The following ACOX1 variants were observed in gnomAD, a reference collection of about 807,000 sequenced individuals.
ACOX1 encodes peroxisomal acyl-coenzyme A oxidase 1.
Under a neutral mutation model 75.5 loss-of-function variants are expected in ACOX1, and 41 were observed. The observed-to-expected ratio is 0.54, with a 90% CI of 0.42 to 0.70. ACOX1 has a LOEUF of 0.70. ACOX1 is among the 30% of genes least tolerant of loss of function. The pLI, the probability that ACOX1 is intolerant of heterozygous loss-of-function variation, is 0.00. For synonymous variants in ACOX1, 303 were observed against 298.8 expected, an observed-to-expected ratio of 1.01 and a Z score of -0.15; for missense variants, 630 against 837.5, an observed-to-expected ratio of 0.75 and a Z score of 3.06.
At position 75,946,737 on chromosome 17, in the gene ACOX1, CT is replaced by C; in HGVS notation, c.*10del. On this transcript the variant is annotated 3_prime_UTR_variant, in exon 14 of 14. Coordinates refer to ENST00000293217, the MANE Select transcript of ACOX1 (RefSeq NM_004035.7). ...CTTTCTGAAGCAGATTAAACTTGTC[CT>C]TGTGACACTTCAGAGCTTGGACTGC... is the stretch of plus-strand genomic sequence containing the variant. 11 of 1,613,556 alleles carry C rather than the reference CT, an allele frequency of 6.8e-6. No homozygotes were observed. The highest frequency in any genetic ancestry group is 9.3e-6 in the Non-Finnish European group (11 of 1,179,576).
intron 2 of ACOX1, among the ~76,000 whole-genome samples, chr17:75,972,387 C>T (rs543841902): frequency 6.6e-6 from 1 of 150,414 alleles, no homozygotes; most frequent in East Asian, 2.0e-4. Flanking sequence ...CGCCTGTAGC[C>T]TGTAATCCCA....
Position 75,978,213 on chromosome 17 carries a change from G to C in ACOX1, c.269+321C>G. Among the ~76,000 whole-genome samples the C allele has an allele frequency of 6.6e-6, 1 of 152,052 alleles. No individual in the cohort carries two copies. Among genetic ancestry groups the C allele is most frequent in the East Asian group, 1.9e-4 (1 of 5,186 alleles). On this transcript the variant is annotated intron_variant, in intron 2 of 13. Coordinates refer to ENST00000293217, the MANE Select transcript of ACOX1 (RefSeq NM_004035.7). The surrounding 1 kb of genome is among the most constrained non-coding windows in gnomAD (Gnocchi z 4.2). ...TAGTTCACGCTATTCTCCTGCCTCAGCCTCCCGAGTAGCTGGAACTACAGG... is the reference window on the plus strand; with the variant it reads ...TAGTTCACGCTATTCTCCTGCCTCACCCTCCCGAGTAGCTGGAACTACAGG...
At position 75,953,591 on chromosome 17, in the gene ACOX1, C is replaced by T. The variant is rs114057990; in HGVS notation, c.804G>A (p.Pro268=). The T allele has an allele frequency of 3.8e-4, 614 of 1,614,080 alleles. 3 individuals are homozygous for T. In the African/African-American group the frequency reaches 7.0e-3, roughly 18 times the overall value. Residue 268 remains proline (P), a synonymous_variant, in exon 7 of 14, where the codon CCG becomes CCA. Transcript: ENST00000293217. ...QVKPDGTYVK[P]LSNKLTYGTM... is the part of the protein sequence containing the mutation. ...TCCCGTAAGTCAGCTTGTTACTCAG[C>T]GGTTTCACGTATGTGCCATCAGGCT...
intron 2 of ACOX1, among the ~76,000 whole-genome samples, chr17:75,966,536 G>A (rs1219040290): frequency 1.3e-5 from 2 of 151,890 alleles, no homozygotes; most frequent in African/African-American, 2.4e-5. Flanking sequence ...GGGCACGGTG[G>A]CTCACGCCTG....
Position 75,956,910 on chromosome 17 carries a change from CCTCTCTCTCTCTCTCTCTCTCTCT to C in ACOX1, c.538+525_538+548del, listed in dbSNP as rs1170303997. ...GGTATGTGCCGCTATGCCTGGCTTTCCTCTCTCTCTCTCTCTCTCTCTCTCTCTCTCTCTCTCTCTCTCTCTCTC... is the reference window on the plus strand; with the variant it reads ...GGTATGTGCCGCTATGCCTGGCTTTCCTCTCTCTCTCTCTCTCTCTCTCTC... On this transcript the variant is annotated intron_variant, in intron 4 of 13. Transcript: ENST00000293217. Among the ~76,000 whole-genome samples the C allele has an allele frequency of 6.6e-3, 165 of 24,920 alleles. 1 individual carries two copies. Among genetic ancestry groups the C allele is most frequent in the Non-Finnish European group, 0.01 (112 of 11,196 alleles). The allele number at this position is 24,920 out of a possible 152,430, so 16.3% of individuals were successfully genotyped here.
Position 75,956,913 on chromosome 17 carries a change from CTCTCTCTCTCTCT to C in ACOX1, c.538+533_538+545del, listed in dbSNP as rs2065829694. Among the ~76,000 whole-genome samples, 26 of 42,936 alleles carry C rather than the reference CTCTCTCTCTCTCT, an allele frequency of 6.1e-4. 3 individuals are homozygous for C. The highest frequency in any genetic ancestry group is 1.6e-3 in the African/African-American group (16 of 10,112). The allele number at this position is 42,936 out of a possible 152,430, so 28.2% of individuals were successfully genotyped here. A position where few individuals can be genotyped will look rare whatever the true frequency, so the allele number is the denominator to read the frequency against. On this transcript the variant is annotated intron_variant, in intron 4 of 13. Transcript: ENST00000293217. The stretch of plus-strand genomic sequence containing the variant: ...ATGTGCCGCTATGCCTGGCTTTCCT[CTCTCTCTCTCTCT>C]CTCTCTCTCTCTCTCTCTCTCTCTC...
intron 7 of ACOX1, among the ~76,000 whole-genome samples, chr17:75,952,552 C>T (rs1198932662): frequency 6.6e-6 from 1 of 152,136 alleles, no homozygotes; most frequent in East Asian, 1.9e-4. Flanking sequence ...CTTTGGCCTC[C>T]CAAAGTGCTG....
chr17:75,966,076 G>A (rs2065929306), intron 2 of ACOX1, among the ~76,000 whole-genome samples: 1 of 152,016 alleles, frequency 6.6e-6, no homozygotes, highest in Non-Finnish European at 1.5e-5. Context: ...GTTGCAGGGA[G>A]CTGAGATCAT....
intron 13 of ACOX1, among the ~76,000 whole-genome samples, chr17:75,947,246 T>TAAA (rs1245869471): frequency 7.4e-6 from 1 of 134,730 alleles, no homozygotes. Flanking sequence ...TCTGATGTCT[T>TAAA]AGTTTTTTTT....
At chr17:75,976,956 T>C (rs1403577795) in intron 2 of ACOX1, among the ~76,000 whole-genome samples, 5 of 151,232 alleles carry the variant, frequency 3.3e-5, no homozygotes, top group Admixed American at 1.3e-4. Context: ...ACTAGGATCA[T>C]GTAATAGTGT....
chr17:75,978,769 G>T lies in ACOX1; in HGVS notation c.110-76C>A, dbSNP rs1258190809. 1.2e-5 allele frequency: 20 copies of T among 1,610,818 alleles called. No homozygotes were observed. The Admixed American group carries it at 3.3e-4, about 27-fold the overall frequency. On this transcript the variant is annotated intron_variant, in intron 1 of 13. Transcript: ENST00000293217. The surrounding 1 kb of genome is among the most constrained non-coding windows in gnomAD (Gnocchi z 4.2). ...GTTCCACCCTCCCTGAATCACAATA[G>T]GCTTCAGAGTCGCGGACACACCTGG...
At position 75,953,436 on chromosome 17, in the gene ACOX1, G is replaced by C. The variant is rs748567799; in HGVS notation, c.944+15C>G. Reference sequence around the variant, plus strand: ...AGGCCTTTGGTACTGAGCCCATCTAGGACCCTATCCTTACCCTGGCTTGAT... The same window carrying C: ...AGGCCTTTGGTACTGAGCCCATCTACGACCCTATCCTTACCCTGGCTTGAT... On this transcript the variant is annotated intron_variant, in intron 7 of 13. Coordinates refer to ENST00000293217, the MANE Select transcript of ACOX1 (RefSeq NM_004035.7). 4 of 1,613,098 alleles carry C rather than the reference G, an allele frequency of 2.5e-6. No homozygotes were observed. Among genetic ancestry groups the C allele is most frequent in the Non-Finnish European group, 3.4e-6 (4 of 1,179,456 alleles).
chr17:75,979,046 C>G lies in ACOX1; in HGVS notation c.28G>C (p.Asp10His). MNPDLRRER[D>H]SASFNPELLT... ...AGCTCCGGGTTGAAGCTGGCGGAAT[C>G]CCGCTCCCTGCGCAGGTCCGGGTTC... The change falls in exon 1 of 14, where the codon GAT (aspartate) becomes CAT (histidine). Residue 10 changes from aspartate to histidine, a missense_variant. By Grantham distance (81) the Asp-to-His change is moderately conservative. Transcript: ENST00000293217. 1 of 1,612,422 alleles carries G rather than the reference C, an allele frequency of 6.2e-7. No individual in the cohort carries two copies. Among genetic ancestry groups the G allele is most frequent in the Non-Finnish European group, 8.5e-7 (1 of 1,180,006 alleles).
chr17:75,968,435 C>CAAAAAAAAAAAAAAAAAAAAA (rs55909021), intron 2 of ACOX1, among the ~76,000 whole-genome samples: 2 of 21,006 alleles, frequency 9.5e-5, no homozygotes, highest in Admixed American at 4.5e-4. Context: ...GACTCCGTCT[C>CAAAAAAAAAAAAAAAAAAAAA]AAAAAAAAAA....
At chr17:75,963,570 C>T (rs1325914043) in intron 2 of ACOX1, among the ~76,000 whole-genome samples, 1 of 151,756 alleles carries the variant, frequency 6.6e-6, no homozygotes, top group Non-Finnish European at 1.5e-5. Context: ...GTGGCAGCGC[C>T]AGCCTCTAAT....
intron 2 of ACOX1, among the ~76,000 whole-genome samples, chr17:75,962,160 A>G (rs1361859746): frequency 6.6e-6 from 1 of 152,184 alleles, no homozygotes. Context: ...ACAAAAACTG[A>G]CAGTGCTCTT....
At chr17:75,958,613 C>T (rs969304849) in intron 3 of ACOX1, among the ~76,000 whole-genome samples, 1 of 151,704 alleles carries the variant, frequency 6.6e-6, no homozygotes, top group Non-Finnish European at 1.5e-5. Flanking sequence ...TCGAGACCAT[C>T]CTGGTTAACA....
At chr17:75,956,192 A>G (rs1389616310) in intron 4 of ACOX1, among the ~76,000 whole-genome samples, 1 of 152,194 alleles carries the variant, frequency 6.6e-6, no homozygotes, top group Non-Finnish European at 1.5e-5. Flanking sequence ...TAGGATAAAA[A>G]TAAGAATATT....
At chr17:75,947,795 C>T (rs1415377992) in intron 13 of ACOX1, among the ~76,000 whole-genome samples, 8 of 151,716 alleles carry the variant, frequency 5.3e-5, no homozygotes, top group Admixed American at 3.3e-4. Context: ...CTGCAACCTC[C>T]GCCTCCTGGG....
Sources: allele counts gnomAD v4.1 joint callset (sites outside exome capture counted in the v4.1 genomes callset), GRCh38; gene constraint gnomAD v4.1.1; non-coding constraint Gnocchi (gnomAD v3.1); transcripts MANE v1.5; gene names NCBI Gene and HGNC (gene_info 2026-07-23, HGNC 2026-07-21).